MPC1: variants seen among roughly 807,000 people sequenced by gnomAD.
MPC1 encodes the protein mitochondrial pyruvate carrier 1, also known as HSPC040 protein.
MPC1 carries 6 observed loss-of-function variants against 13.9 expected under a neutral mutation model. That is an observed-to-expected ratio of 0.43 (90% CI 0.24 to 0.85). MPC1 has a LOEUF of 0.85. Ranked by LOEUF, MPC1 falls within the 40% of genes least tolerant of loss-of-function variation. MPC1 has a pLI of 0.24. For missense variants in MPC1, 115 were observed against 143.3 expected (o/e 0.80, Z 1.01); for synonymous variants, 47 against 50.5 (o/e 0.93, Z 0.29).
intron 1 of MPC1, among the ~76,000 whole-genome samples, chr6:166,375,955 G>T (rs1779554310): frequency 6.6e-6 from 1 of 151,848 alleles, no homozygotes; most frequent in Admixed American, 6.6e-5. Flanking sequence ...CTACCTGCCG[G>T]GTCTATTTAT....
intron 1 of MPC1, among the ~76,000 whole-genome samples, chr6:166,375,380 GCAAA>G (rs1038089536): frequency 2.0e-5 from 3 of 151,546 alleles, no homozygotes; most frequent in African/African-American, 7.3e-5. Context: ...ACTGCAGAAA[GCAAA>G]CTGTGGATAA....
chr6:166,380,769 G>A lies in MPC1; in HGVS notation c.71+2037C>T, dbSNP rs575853000. On this transcript the variant is annotated intron_variant, in intron 1 of 4. Transcript: ENST00000360961. ...AGCCTGACCAACATGGAGAAACCCC[G>A]TCTCTATTAAAAATACAAAATTAGC... 4.0e-4 allele frequency among the ~76,000 whole-genome samples: 60 copies of A among 151,864 alleles called. 1 individual carries two copies. Among genetic ancestry groups the A allele is most frequent in the Admixed American group, 1.0e-3 (16 of 15,256 alleles).
chr6:166,367,807 A>T (rs1779218305), intron 2 of MPC1, among the ~76,000 whole-genome samples: 1 of 152,172 alleles, frequency 6.6e-6, no homozygotes, highest in Non-Finnish European at 1.5e-5. Flanking sequence ...TCTTTGCTTG[A>T]CTTCTGCCTA....
chr6:166,367,111 A>G, intron 2 of MPC1: 1 of 1,380,076 alleles, frequency 7.2e-7, no homozygotes, highest in Non-Finnish European at 9.5e-7. Context: ...CTGAGCCCAG[A>G]GCTAGAAAGG....
intron 1 of MPC1, among the ~76,000 whole-genome samples, chr6:166,371,793 C>T (rs1214335482): frequency 1.3e-5 from 2 of 152,004 alleles, no homozygotes; most frequent in African/African-American, 4.8e-5. Flanking sequence ...ATAAATTAGG[C>T]AGAGTAAGAG....
chr6:166,372,702 T>C (rs1354010816), intron 1 of MPC1, among the ~76,000 whole-genome samples: 1 of 149,752 alleles, frequency 6.7e-6, no homozygotes, highest in Non-Finnish European at 1.5e-5. Context: ...CAGAACCAAA[T>C]TAGAAAAAAA....
At chr6:166,375,449 GCTTT>G (rs1676736096) in intron 1 of MPC1, among the ~76,000 whole-genome samples, 1 of 98,804 alleles carries the variant, frequency 1.0e-5, no homozygotes, top group African/African-American at 3.3e-5. Context: ...ATTCTAATTT[GCTTT>G]TTTTTTTTTT....
chr6:166,367,082 G>A (rs1779187085), intron 2 of MPC1, 191 bp from the exon 3 acceptor site: 2 of 1,446,856 alleles, frequency 1.4e-6, no homozygotes, highest in South Asian at 1.3e-5. Context: ...GTTCCTGTAG[G>A]AATCAGCAGT....
Position 166,365,522 on chromosome 6 carries a change from T to A in MPC1, c.306-69A>T. ...CAATGCCAATCGCAAGGGCTTTGGA[T>A]GGCTTTTAAAAGACACCTTTACATA... On this transcript the variant is annotated intron_variant, in intron 4 of 4. Transcript: ENST00000360961. The surrounding 1 kb of genome is among the most constrained non-coding windows in gnomAD (Gnocchi z 4.2). The A allele has an allele frequency of 7.4e-7, 1 of 1,353,594 alleles. No individual in the cohort carries two copies. Among genetic ancestry groups the A allele is most frequent in the African/African-American group, 1.5e-5 (1 of 67,498 alleles). 83.8% of individuals were successfully genotyped at this position (1,353,594 alleles called of 1,614,324 possible). A position where few individuals can be genotyped will look rare whatever the true frequency, so the allele number is the denominator to read the frequency against.
chr6:166,382,341 GC>G (rs1779824201), intron 1 of MPC1, among the ~76,000 whole-genome samples: 1 of 151,596 alleles, frequency 6.6e-6, no homozygotes, highest in African/African-American at 2.4e-5. Context: ...CCACTGTTAT[GC>G]CTACCAGGAG....
intron 2 of MPC1, 178 bp from the exon 3 acceptor site, chr6:166,367,069 A>G (rs1456696522): frequency 1.4e-6 from 2 of 1,470,352 alleles, no homozygotes; most frequent in Non-Finnish European, 1.8e-6. Flanking sequence ...GGATTGTCCA[A>G]GTGTTCCTGT....
chr6:166,375,411 C>T (rs1414143441), intron 1 of MPC1, among the ~76,000 whole-genome samples: 4 of 150,064 alleles, frequency 2.7e-5, no homozygotes, highest in Non-Finnish European at 5.9e-5. Context: ...TGGAGAGCTA[C>T]TGTATTTCCC....
At chr6:166,381,923 C>T in intron 1 of MPC1, 9 of 641,988 alleles carry the variant, frequency 1.4e-5, no homozygotes, top group Non-Finnish European at 1.7e-5. Context: ...TTCCGCTGTC[C>T]CAGAAGCGCG....
At chr6:166,372,089 C>G (rs559553025) in intron 1 of MPC1, among the ~76,000 whole-genome samples, 3 of 152,234 alleles carry the variant, frequency 2.0e-5, no homozygotes, top group African/African-American at 7.2e-5. Flanking sequence ...TGCTTTATAG[C>G]AGAGAGATTG....
chr6:166,370,180 C>G (rs1285736632), intron 2 of MPC1, 38 bp downstream of exon 2: 1 of 780,902 alleles, frequency 1.3e-6, no homozygotes, highest in South Asian at 1.3e-5. Flanking sequence ...TGCAGAAAGT[C>G]TGCAAAAGCC....
intron 1 of MPC1, chr6:166,381,762 A>C: frequency 1.0e-6 from 1 of 963,748 alleles, no homozygotes. Context: ...AAAATAGAAC[A>C]AGAAGAAAAA....
chr6:166,366,926 A>C (rs780761474), intron 2 of MPC1, 35 bp from the exon 3 acceptor site: 3 of 1,613,208 alleles, frequency 1.9e-6, no homozygotes, highest in South Asian at 2.2e-5. Context: ...TGAAGAGAGG[A>C]AAAAGTTAAG....
intron 1 of MPC1, 95 bp downstream of exon 1, chr6:166,382,711 C>G: frequency 7.5e-7 from 1 of 1,325,218 alleles, no homozygotes; most frequent in Non-Finnish European, 1.0e-6. Flanking sequence ...CCGGGGCCAC[C>G]GCGTCCTCGC....
In MPC1 at chr6:166,364,927, A is replaced by G. The variant is rs1779094194; in HGVS notation, c.*502T>C. 6.6e-6 allele frequency: 1 copy of G among 152,616 alleles called. No individual in the cohort carries two copies. Among genetic ancestry groups the G allele is most frequent in the South Asian group, 2.1e-4 (1 of 4,836 alleles). 9.5% of individuals were successfully genotyped at this position (152,616 alleles called of 1,614,324 possible). ...ATATTTAATCATACTCATTTAACAA[A>G]TATTTAAATCATTTATTGCCATTAA... On this transcript the variant is annotated 3_prime_UTR_variant, in exon 5 of 5. Transcript: ENST00000360961.
Sources: allele counts gnomAD v4.1 joint callset (sites outside exome capture counted in the v4.1 genomes callset), GRCh38; gene constraint gnomAD v4.1.1; non-coding constraint Gnocchi (gnomAD v3.1); transcripts MANE v1.5; gene names NCBI Gene and HGNC (gene_info 2026-07-23, HGNC 2026-07-21).